Variants in DCTD observed in about 807,000 individuals in gnomAD.
DCTD encodes the protein dCMP deaminase, also known as deoxycytidylate deaminase.
DCTD carries 23 observed loss-of-function variants against 21.0 expected under a neutral mutation model. The ratio of observed to expected loss-of-function variants is 1.09; its 90% CI spans 0.79 to 1.55. The LOEUF is 1.55. Among genes scored for constraint, DCTD ranks in the 40% most tolerant of loss-of-function variants. The pLI, the probability that DCTD is intolerant of heterozygous loss-of-function variation, is 0.00. For synonymous variants in DCTD, 71 were observed against 81.1 expected (o/e 0.88, Z 0.67); for missense variants, 224 against 230.0 (o/e 0.97, Z 0.17).
At chr4:182,892,325 G>C (rs1733914779) in intron 5 of DCTD, among the ~76,000 whole-genome samples, 1 of 152,150 alleles carries the variant, frequency 6.6e-6, no homozygotes, top group African/African-American at 2.4e-5. Context: ...CCATTTCTTA[G>C]CAAAGATAAT....
At chr4:182,914,543 G>GT (rs1248128715) in intron 3 of DCTD, among the ~76,000 whole-genome samples, 112 of 152,214 alleles carry the variant, frequency 7.4e-4, no homozygotes, top group African/African-American at 2.5e-3. Context: ...CTTCCAAGTA[G>GT]TAAAAAAAGG....
chr4:182,917,180 C>G lies in DCTD; in HGVS notation c.-8+131G>C. On this transcript the variant is annotated intron_variant, in intron 1 of 5. Coordinates refer to ENST00000438320, the MANE Select transcript of DCTD (RefSeq NM_001921.3). The surrounding 1 kb of genome is among the most constrained non-coding windows in gnomAD (Gnocchi z 4.9). ...ATCTAAAGGCTGAGCGCGGCCGAGG[C>G]GCCCCCAGCGTCCGCGGCCCCAGGC... The G allele has an allele frequency of 1.0e-6, 1 of 990,620 alleles. No homozygotes were observed. Among genetic ancestry groups the G allele is most frequent in the Non-Finnish European group, 1.2e-6 (1 of 833,862 alleles). The allele number at this position is 990,620 out of a possible 1,614,324, so 61.4% of individuals were successfully genotyped here.
intron 3 of DCTD, among the ~76,000 whole-genome samples, chr4:182,900,252 G>A (rs535512221): frequency 6.6e-6 from 1 of 152,040 alleles, no homozygotes; most frequent in Non-Finnish European, 1.5e-5. Context: ...GGAGGTCAAG[G>A]CTGCAGTGAG....
At chr4:182,916,307 T>G (rs527914652) in intron 1 of DCTD, 6 of 878,980 alleles carry the variant, frequency 6.8e-6, no homozygotes, top group Non-Finnish European at 8.2e-6. Flanking sequence ...AGAGACTGTC[T>G]ACGGCAGGGA....
chr4:182,915,332 C>T (rs1242321223), intron 2 of DCTD, 129 bp downstream of exon 2: 1 of 742,376 alleles, frequency 1.3e-6, no homozygotes, highest in Non-Finnish European at 2.3e-6. Flanking sequence ...TGTAGAAACG[C>T]AGCACAAAAG....
At chr4:182,904,259 T>C (rs577183004) in intron 3 of DCTD, among the ~76,000 whole-genome samples, 1 of 152,260 alleles carries the variant, frequency 6.6e-6, no homozygotes, top group African/African-American at 2.4e-5. Flanking sequence ...TGCCTCCCTA[T>C]GGGCTAAGGG....
intron 3 of DCTD, among the ~76,000 whole-genome samples, chr4:182,913,505 C>G (rs933770536): frequency 9.2e-5 from 14 of 152,184 alleles, no homozygotes; most frequent in African/African-American, 3.4e-4. Context: ...GATTGAGGTC[C>G]AGGAACATTA....
At chr4:182,911,933 G>A (rs1737754295) in intron 3 of DCTD, among the ~76,000 whole-genome samples, 1 of 152,122 alleles carries the variant, frequency 6.6e-6, no homozygotes, top group Non-Finnish European at 1.5e-5. Flanking sequence ...GCATTTAAAA[G>A]AGGGTCCTGT....
At chr4:182,892,304 A>ATAGC (rs972581343) in intron 5 of DCTD, among the ~76,000 whole-genome samples, 32 of 152,128 alleles carry the variant, frequency 2.1e-4, no homozygotes, top group African/African-American at 7.7e-4. Flanking sequence ...CAAGTAAAAT[A>ATAGC]TAGCTCACAA....
intron 3 of DCTD, among the ~76,000 whole-genome samples, chr4:182,895,394 C>T (rs1297233809): frequency 6.6e-6 from 1 of 152,160 alleles, no homozygotes; most frequent in Non-Finnish European, 1.5e-5. Flanking sequence ...ATAAGAAAAA[C>T]ATTCATCCAC....
intron 3 of DCTD, among the ~76,000 whole-genome samples, chr4:182,912,413 T>G (rs946149715): frequency 6.6e-6 from 1 of 152,174 alleles, no homozygotes; most frequent in Non-Finnish European, 1.5e-5. Flanking sequence ...CTTACTCTCG[T>G]GAAAGAAAAC....
At chr4:182,914,774 A>C (rs1738392571) in intron 3 of DCTD, 149 bp downstream of exon 3, 1 of 863,030 alleles carries the variant, frequency 1.2e-6, no homozygotes, top group East Asian at 2.6e-5. Flanking sequence ...CTTAAGAGAC[A>C]AGGCCAGGAA....
At chr4:182,915,757 A>C (rs2152865453) in intron 1 of DCTD, 182 bp from the exon 2 acceptor site, 1 of 806,672 alleles carries the variant, frequency 1.2e-6, no homozygotes, top group Admixed American at 3.1e-5. Flanking sequence ...TAAAAACTTA[A>C]GAAATTTCCT....
At chr4:182,900,180 G>A (rs940350221) in intron 3 of DCTD, among the ~76,000 whole-genome samples, 1 of 152,134 alleles carries the variant, frequency 6.6e-6, no homozygotes, top group African/African-American at 2.4e-5. Flanking sequence ...GCCAGGTATG[G>A]TGGCGTGCAC....
At chr4:182,916,913 G>T (rs1207649573) in intron 1 of DCTD, 23 of 1,007,300 alleles carry the variant, frequency 2.3e-5, no homozygotes, top group Non-Finnish European at 2.6e-5. Context: ...AGACACATCC[G>T]GTCACCGTCC....
chr4:182,901,136 C>T (rs564998384), intron 3 of DCTD, among the ~76,000 whole-genome samples: 23 of 152,222 alleles, frequency 1.5e-4, no homozygotes, highest in South Asian at 4.1e-4. Context: ...CTATTTTAGA[C>T]GGTAGTATTA....
At chr4:182,909,513 G>A (rs898812067) in intron 3 of DCTD, among the ~76,000 whole-genome samples, 9 of 152,236 alleles carry the variant, frequency 5.9e-5, no homozygotes, top group Non-Finnish European at 1.2e-4. Flanking sequence ...GGGAGGAGCG[G>A]CAGGAAGCTT....
chr4:182,890,107 A>C lies in DCTD; in HGVS notation c.*1292T>G, dbSNP rs1733489479. ...AAATGTACATGCTTTGGTAGGGTAG[A>C]TTTTAATAAGATTTTAATAATATTG... On this transcript the variant is annotated 3_prime_UTR_variant, in exon 6 of 6. Transcript: ENST00000438320. 1 of 152,208 alleles carries C rather than the reference A, an allele frequency of 6.6e-6. No homozygotes were observed. Among genetic ancestry groups the C allele is most frequent in the Admixed American group, 6.5e-5 (1 of 15,288 alleles). 9.4% of individuals were successfully genotyped at this position (152,208 alleles called of 1,614,324 possible).
At chr4:182,908,021 T>C (rs1201260176) in intron 3 of DCTD, among the ~76,000 whole-genome samples, 1 of 150,834 alleles carries the variant, frequency 6.6e-6, no homozygotes. Context: ...CAGACATGCA[T>C]ATCCCTATCC....
Sources: allele counts gnomAD v4.1 joint callset (sites outside exome capture counted in the v4.1 genomes callset), GRCh38; gene constraint gnomAD v4.1.1; non-coding constraint Gnocchi (gnomAD v3.1); transcripts MANE v1.5; gene names NCBI Gene and HGNC (gene_info 2026-07-23, HGNC 2026-07-21).